The following USP10 variants were observed in gnomAD, a reference collection of about 807,000 sequenced individuals.
USP10 encodes the protein ubiquitin specific peptidase 10.
In USP10, 22 loss-of-function variants were observed where a neutral mutation model predicts 84.5. The observed-to-expected ratio is 0.26, with a 90% CI of 0.19 to 0.37. The LOEUF (loss-of-function observed/expected upper bound fraction) is 0.37, where lower values mean the gene tolerates loss of function less well. USP10 is among the 10% of genes least tolerant of loss of function. USP10 has a pLI of 1.00. For missense variants in USP10, 1,019 were observed against 998.9 expected (o/e 1.02, Z -0.27); for synonymous variants, 454 against 387.6 (o/e 1.17, Z -2.01).
At chr16:84,773,529 T>C (rs74033141) in intron 12 of USP10, among the ~76,000 whole-genome samples, 4,605 of 152,238 alleles carry the variant, frequency 0.03, 203 homozygotes, top group African/African-American at 0.1. Flanking sequence ...GGGCGCCCTA[T>C]ACCTTCCCGT....
At chr16:84,762,396 A>G (rs541017270) in intron 8 of USP10, among the ~76,000 whole-genome samples, 5 of 152,240 alleles carry the variant, frequency 3.3e-5, no homozygotes, top group Admixed American at 2.6e-4. Flanking sequence ...CTTTTTTGTG[A>G]TAAAGGTAAT....
rs567025146 is a variant in USP10, at chr16:84,704,020, C to T, written c.21+3909C>T. On this transcript the variant is annotated intron_variant, in intron 1 of 13. Transcript: ENST00000219473. ...GAAAACTTAAAGGAGAAAAGGATTA[C>T]GAAGCTTAATGATTGCTGTTTAATG... Among the ~76,000 whole-genome samples the T allele has an allele frequency of 4.6e-5, 7 of 152,340 alleles. No individual in the cohort carries two copies. In the East Asian group the frequency reaches 7.7e-4, roughly 17 times the overall value.
Position 84,734,228 on chromosome 16 carries a change from C to G in USP10, c.90+725C>G, listed in dbSNP as rs866707635. Among the ~76,000 whole-genome samples, 6 of 151,858 alleles carry G rather than the reference C, an allele frequency of 4.0e-5. No individual in the cohort carries two copies. The South Asian group carries it at 1.3e-3, about 32-fold the overall frequency. On this transcript the variant is annotated intron_variant, in intron 2 of 13. Coordinates refer to ENST00000219473, the MANE Select transcript of USP10 (RefSeq NM_005153.3). ...ATCTAGGATTTTAACAGTCTTCATT[C>G]CCATCAGCAGTGCATGGGAGTTTTC... is the stretch of plus-strand genomic sequence containing the variant.
Position 84,768,289 on chromosome 16 carries a change from C to T in USP10, c.1929C>T (p.Val643=), listed in dbSNP as rs746040891. 4 of 1,608,994 alleles carry T rather than the reference C, an allele frequency of 2.5e-6. No homozygotes were observed. The highest frequency in any genetic ancestry group is 3.4e-5 in the Admixed American group (2 of 59,324). Residue 643 remains valine (V), a synonymous_variant, in exon 11 of 14, where the codon GTC becomes GTT. Transcript: ENST00000219473. ...TCCAGTCAGACAAGATACGCACAGT[C>T]CAGGATGCACTGGAGAGCTTGGTGG... ...LDIQSDKIRT[V]QDALESLVAR...
chr16:84,751,562 A>G (rs1311041293), intron 4 of USP10, among the ~76,000 whole-genome samples: 1 of 152,224 alleles, frequency 6.6e-6, no homozygotes, highest in Non-Finnish European at 1.5e-5. Context: ...CACATTTATT[A>G]TACATCTTTC....
At chr16:84,732,037 A>G (rs1909302610) in intron 1 of USP10, among the ~76,000 whole-genome samples, 1 of 152,232 alleles carries the variant, frequency 6.6e-6, no homozygotes, top group East Asian at 1.9e-4. Context: ...TTTTGCAAGT[A>G]TATGTAAATA....
At chr16:84,700,537 G>A (rs536329317) in intron 1 of USP10, among the ~76,000 whole-genome samples, 4 of 152,106 alleles carry the variant, frequency 2.6e-5, no homozygotes, top group African/African-American at 9.7e-5. Flanking sequence ...CCTCTGCCTG[G>A]AGCGAGCCTC....
Position 84,760,284 on chromosome 16 carries a change from C to T in USP10, c.1554+9C>T. Reference sequence around the variant, plus strand: ...CAAGCCTGTCTGAAAAGGTTTGAGACTTCTCTGTTGTCACTAGTATCAAGT... The same window carrying T: ...CAAGCCTGTCTGAAAAGGTTTGAGATTTCTCTGTTGTCACTAGTATCAAGT... On this transcript the variant is annotated intron_variant, in intron 8 of 13. Transcript: ENST00000219473. 6.3e-7 allele frequency: 1 copy of T among 1,590,660 alleles called. No homozygotes were observed. Among genetic ancestry groups the T allele is most frequent in the South Asian group, 1.1e-5 (1 of 87,708 alleles).
At chr16:84,775,616 GCCGGTGATCCCTGCGT>G (rs1914927013) in intron 13 of USP10, among the ~76,000 whole-genome samples, 1 of 152,182 alleles carries the variant, frequency 6.6e-6, no homozygotes, top group African/African-American at 2.4e-5. Flanking sequence ...CGCGCCCCCA[GCCGGTGATCCCTGCGT>G]CCTCCCCCAC....
At chr16:84,726,411 A>G (rs1237797282) in intron 1 of USP10, among the ~76,000 whole-genome samples, 5 of 152,160 alleles carry the variant, frequency 3.3e-5, no homozygotes, top group Non-Finnish European at 5.9e-5. Context: ...TTTTTCCTTT[A>G]GCAGGAACAC....
chr16:84,764,387 C>A, intron 10 of USP10, 124 bp downstream of exon 10: 5 of 1,293,444 alleles, frequency 3.9e-6, no homozygotes, highest in Non-Finnish European at 5.5e-6. Context: ...TCTTGCTCCC[C>A]TGCCTGCTCT....
chr16:84,773,524 C>T (rs9932902), intron 12 of USP10, among the ~76,000 whole-genome samples: 185 of 152,294 alleles, frequency 1.2e-3, no homozygotes, highest in African/African-American at 4.1e-3. Flanking sequence ...CCTAGGGGCG[C>T]CCTATACCTT....
At chr16:84,709,394 G>A (rs904381891) in intron 1 of USP10, 8 of 152,338 alleles carry the variant, frequency 5.3e-5, no homozygotes, top group African/African-American at 1.9e-4. Flanking sequence ...TGGGCACAGA[G>A]CTGGAGGGGA....
intron 2 of USP10, among the ~76,000 whole-genome samples, chr16:84,734,190 C>G (rs1597328919): frequency 1.3e-5 from 2 of 152,106 alleles, no homozygotes; most frequent in South Asian, 4.1e-4. Context: ...TCACTAGAGA[C>G]TGCTCGTTTG....
intron 3 of USP10, among the ~76,000 whole-genome samples, chr16:84,741,424 G>A (rs754604769): frequency 9.8e-5 from 15 of 152,314 alleles, no homozygotes; most frequent in South Asian, 2.1e-4. Context: ...GACTTCCTCT[G>A]TCACTGTGTG....
intron 1 of USP10, 65 bp from the exon 2 acceptor site, chr16:84,733,370 A>T: frequency 2.3e-6 from 3 of 1,297,214 alleles, no homozygotes; most frequent in Non-Finnish European, 2.2e-6. Context: ...AATATGTAGC[A>T]TTTTTTCTGA....
rs984473536 is a variant in USP10, at chr16:84,745,823, A to G, written c.1192+150A>G. Reference sequence around the variant, plus strand: ...GATGCCTATGTCTTAAATGTTCTCTAAAAGTAAGATAATATAGAAACAAAT... The same window carrying G: ...GATGCCTATGTCTTAAATGTTCTCTGAAAGTAAGATAATATAGAAACAAAT... On this transcript the variant is annotated intron_variant, in intron 4 of 13. Transcript: ENST00000219473. 5 of 850,426 alleles carry G rather than the reference A, an allele frequency of 5.9e-6. No individual in the cohort carries two copies. The African/African-American group carries it at 6.8e-5, about 12-fold the overall frequency. The allele number at this position is 850,426 out of a possible 1,614,324, so 52.7% of individuals were successfully genotyped here.
At chr16:84,767,676 A>T (rs542131805) in intron 10 of USP10, among the ~76,000 whole-genome samples, 49 of 152,366 alleles carry the variant, frequency 3.2e-4, no homozygotes, top group Middle Eastern at 3.4e-3. Context: ...GGAAAATGAA[A>T]TATGTTTTCT....
At chr16:84,709,840 G>C (rs1316944241) in intron 1 of USP10, among the ~76,000 whole-genome samples, 1 of 152,176 alleles carries the variant, frequency 6.6e-6, no homozygotes, top group Admixed American at 6.5e-5. Context: ...CCTGCAGCCT[G>C]TTTGGGAAAC....
Sources: gnomAD v4.1 joint callset for allele counts (sites outside exome capture counted in the v4.1 genomes callset) on GRCh38, gnomAD v4.1.1 for gene constraint, MANE v1.5 for transcripts, NCBI Gene and HGNC (gene_info 2026-07-23, HGNC 2026-07-21) for gene names.